HARBI1: variants seen among roughly 807,000 people sequenced by gnomAD.
HARBI1 encodes harbinger transposase derived 1, also known as putative nuclease HARBI1.
In HARBI1, 15 loss-of-function variants were observed where a neutral mutation model predicts 25.3. That is an observed-to-expected ratio of 0.59 (90% CI 0.40 to 0.91). The LOEUF is 0.91. HARBI1 is among the 40% of genes least tolerant of loss of function. The pLI is 0.00. For synonymous variants in HARBI1, 168 were observed against 160.5 expected, an observed-to-expected ratio of 1.05 and a Z score of -0.35; for missense variants, 396 against 445.8, an observed-to-expected ratio of 0.89 and a Z score of 1.01.
chr11:46,616,463 C>A (rs2045478919), intron 1 of HARBI1, 82 bp from the exon 2 acceptor site: 3 of 1,358,918 alleles, frequency 2.2e-6, no homozygotes, highest in Non-Finnish European at 1.9e-6. Flanking sequence ...TCCTTTTCTA[C>A]AAATTTCCAT....
intron 2 of HARBI1, among the ~76,000 whole-genome samples, chr11:46,612,017 T>C (rs2135397930): frequency 6.6e-6 from 1 of 152,316 alleles, no homozygotes; most frequent in Non-Finnish European, 1.5e-5. Flanking sequence ...CTGGCAGCTC[T>C]ACACCCATCA....
intron 2 of HARBI1, 171 bp from the exon 3 acceptor site, chr11:46,604,080 A>C: frequency 2.0e-6 from 2 of 985,466 alleles, no homozygotes; most frequent in Non-Finnish European, 2.4e-6. Flanking sequence ...AATCATGCCA[A>C]TGCCAGGAGC....
chr11:46,615,620 A>C lies in HARBI1; in HGVS notation c.618T>G (p.Ser206=). The change falls in exon 2 of 3, where the codon TCT becomes TCG. Residue 206 remains serine (S), a synonymous_variant. Transcript: ENST00000326737. ...CCGCTTCAAACTGACTACTGAGGGAAGACTGCTGCAGCACAGCACAGTCCT... is the reference window on the plus strand; with the variant it reads ...CCGCTTCAAACTGACTACTGAGGGACGACTGCTGCAGCACAGCACAGTCCT... ...SLQDCAVLQQ[S]SLSSQFEAGM... is the part of the protein sequence containing the mutation. The C allele has an allele frequency of 6.2e-7, 1 of 1,614,224 alleles. No homozygotes were observed. The highest frequency in any genetic ancestry group is 1.1e-5 in the South Asian group (1 of 91,086).
intron 2 of HARBI1, among the ~76,000 whole-genome samples, chr11:46,613,629 C>T (rs569409192): frequency 5.3e-5 from 8 of 151,876 alleles, no homozygotes; most frequent in South Asian, 2.1e-4. Context: ...ATTATAGGCG[C>T]GCACCACCAT....
Position 46,616,300 on chromosome 11 carries a change from G to C in HARBI1, c.-63C>G, listed in dbSNP as rs2045458827. 1 of 1,528,070 alleles carries C rather than the reference G, an allele frequency of 6.5e-7. No individual in the cohort carries two copies. Among genetic ancestry groups the C allele is most frequent in the Non-Finnish European group, 8.7e-7 (1 of 1,145,998 alleles). 94.7% of individuals were successfully genotyped at this position (1,528,070 alleles called of 1,614,324 possible). A position where few individuals can be genotyped will look rare whatever the true frequency, so the allele number is the denominator to read the frequency against. Reference sequence around the variant, plus strand: ...TGAACTGTTCCCAATGAAGATGTTGGTGCAAGAACGTATTTTTAAGAAAGT... The same window carrying C: ...TGAACTGTTCCCAATGAAGATGTTGCTGCAAGAACGTATTTTTAAGAAAGT... On this transcript the variant is annotated 5_prime_UTR_variant, in exon 2 of 3. Transcript: ENST00000326737.
Position 46,603,648 on chromosome 11 carries a change from G to T in HARBI1, c.932C>A (p.Ser311Tyr), listed in dbSNP as rs2044833857. Reference sequence around the variant, plus strand: ...TTCCATGGGTCCTGTCATTGGAGAGGACCAAACATCCATCCCATGCTCCAG... The same window carrying T: ...TTCCATGGGTCCTGTCATTGGAGAGTACCAAACATCCATCCCATGCTCCAG... ...ISLEHGMDVW[S>Y]SPMTGPMEQP... Residue 311 changes from serine (S) to tyrosine (Y), a missense_variant, in exon 3 of 3, where the codon TCC becomes TAC. Coordinates refer to ENST00000326737, the MANE Select transcript of HARBI1 (RefSeq NM_173811.4). 1.2e-6 allele frequency: 2 copies of T among 1,614,150 alleles called. No homozygotes were observed. The highest frequency in any genetic ancestry group is 1.7e-6 in the Non-Finnish European group (2 of 1,180,022).
Position 46,616,128 on chromosome 11 carries a change from G to A in HARBI1, c.110C>T (p.Ser37Phe), listed in dbSNP as rs768672905. ...GAACTGCCGTGGAAACCCATACATG[G>A]ACATCAAGTATTCATCAGTCACATC... ...LDDVTDEYLM[S>F]MYGFPRQFIY... Residue 37 changes from serine to phenylalanine, a missense_variant, in exon 2 of 3, where the codon TCC becomes TTC. Transcript: ENST00000326737. The A allele has an allele frequency of 1.9e-6, 3 of 1,614,162 alleles. No individual in the cohort carries two copies. The highest frequency in any genetic ancestry group is 3.3e-5 in the Admixed American group (2 of 60,028).
At chr11:46,605,586 CCTT>C (rs1396267556) in intron 2 of HARBI1, among the ~76,000 whole-genome samples, 62 of 133,998 alleles carry the variant, frequency 4.6e-4, no homozygotes, top group Non-Finnish European at 5.6e-4. Context: ...CCAGGTATAA[CCTT>C]TTTTTTTTTT....
Position 46,615,579 on chromosome 11 carries a change from CT to C in HARBI1, c.658del (p.Ser220AlafsTer16). The C allele has an allele frequency of 6.2e-7, 1 of 1,611,646 alleles. No homozygotes were observed. Among genetic ancestry groups the C allele is most frequent in the Non-Finnish European group, 8.5e-7 (1 of 1,178,236 alleles). ...ACTTGCAAACTTACCCAGAAGCCAG[CT>C]ATCTTTGTGCATACCCGCTTCAAAC... ...SQFEAGMHKD[S>X]WLLGDSSFFL... On this transcript the variant is annotated frameshift_variant, in exon 2 of 3. Coordinates refer to ENST00000326737, the MANE Select transcript of HARBI1 (RefSeq NM_173811.4). LOFTEE classifies it high-confidence loss of function.
chr11:46,615,639 C>T lies in HARBI1; in HGVS notation c.599G>A (p.Cys200Tyr), dbSNP rs2045357795. 1.2e-6 allele frequency: 2 copies of T among 1,614,228 alleles called. No homozygotes were observed. ...GAGGGAAGACTGCTGCAGCACAGCA[C>T]AGTCCTGTAGGCTGCCGGGCCAGTT... is the stretch of plus-strand genomic sequence containing the variant. ...ETNWPGSLQDCAVLQQSSLSS... is the reference protein window; with the variant it reads ...ETNWPGSLQDYAVLQQSSLSS... Residue 200 changes from cysteine (C) to tyrosine (Y), a missense_variant, in exon 2 of 3, where the codon TGT becomes TAT. By Grantham distance (194) the Cys-to-Tyr change is radical. Transcript: ENST00000326737.
chr11:46,617,483 C>T (rs902576846), upstream of HARBI1: 17 of 265,798 alleles, frequency 6.4e-5, no homozygotes, highest in Middle Eastern at 1.1e-3. Context: ...GGCGTCCGTA[C>T]TGTAGCGAAA....
In HARBI1 at chr11:46,616,263, C is replaced by T; in HGVS notation, c.-26G>A. 1 of 1,583,700 alleles carries T rather than the reference C, an allele frequency of 6.3e-7. No individual in the cohort carries two copies. Among genetic ancestry groups the T allele is most frequent in the Non-Finnish European group, 8.6e-7 (1 of 1,168,498 alleles). On this transcript the variant is annotated 5_prime_UTR_variant, in exon 2 of 3. Transcript: ENST00000326737. ...GGTAAATGTGAATGTTGGCTCTCCT[C>T]TTTGCTTTTTCTGAACTGTTCCCAA...
chr11:46,607,571 GA>G (rs2045004446), intron 2 of HARBI1, among the ~76,000 whole-genome samples: 1 of 152,118 alleles, frequency 6.6e-6, no homozygotes, highest in African/African-American at 2.4e-5. Context: ...AAATGGAGGA[GA>G]TATACAGGAA....
At chr11:46,607,960 G>A (rs1025321463) in intron 2 of HARBI1, among the ~76,000 whole-genome samples, 7 of 147,558 alleles carry the variant, frequency 4.7e-5, no homozygotes, top group Non-Finnish European at 7.5e-5. Flanking sequence ...TTCTAGGTTT[G>A]ACAAATCTAG....
chr11:46,610,041 T>C (rs1056983307), intron 2 of HARBI1, among the ~76,000 whole-genome samples: 5 of 151,234 alleles, frequency 3.3e-5, no homozygotes, highest in African/African-American at 1.2e-4. Flanking sequence ...TTTGTAGAGA[T>C]GAGGTTTCAC....
upstream of HARBI1, chr11:46,617,503 A>C (rs2045660681): frequency 3.4e-6 from 1 of 298,310 alleles, no homozygotes; most frequent in East Asian, 5.6e-5. Context: ...AGTGCGACTA[A>C]GGTTAGGCAT....
upstream of HARBI1, chr11:46,617,258 G>GC (rs2045626434): frequency 6.5e-6 from 1 of 153,062 alleles, no homozygotes; most frequent in South Asian, 2.1e-4. Flanking sequence ...GTCAGCGCCC[G>GC]CCCCGCGCCG....
rs1278987927 is a variant in HARBI1 at position 46,612,669 on chromosome 11, AT to A, written c.670+2898del. Among the ~76,000 whole-genome samples the A allele has an allele frequency of 7.7e-3, 1,071 of 139,796 alleles. 7 individuals are homozygous for A. The highest frequency in any genetic ancestry group is 0.037 in the East Asian group (180 of 4,848). 91.7% of individuals were successfully genotyped at this position (139,796 alleles called of 152,430 possible). On this transcript the variant is annotated intron_variant, in intron 2 of 2. Transcript: ENST00000326737. ...AGTGACAATCAACAATGCAAAAATA[AT>A]TTTTTTTTTTTTTTTTTGAGACAGA...
chr11:46,613,432 A>C (rs2045258492), intron 2 of HARBI1, among the ~76,000 whole-genome samples: 2 of 150,106 alleles, frequency 1.3e-5, no homozygotes, highest in African/African-American at 4.9e-5. Flanking sequence ...AATTGTATGG[A>C]TGTACAATAC....
Sources: allele counts gnomAD v4.1 joint callset (sites outside exome capture counted in the v4.1 genomes callset), GRCh38; gene constraint gnomAD v4.1.1; transcripts MANE v1.5; gene names NCBI Gene and HGNC (gene_info 2026-07-23, HGNC 2026-07-21).